NEK10: variants seen among roughly 807,000 people sequenced by gnomAD.
NEK10 encodes serine/threonine-protein kinase Nek10.
A neutral mutation model predicts 159.8 loss-of-function variants in NEK10; 122 were observed. The ratio of observed to expected loss-of-function variants is 0.76; its 90% CI spans 0.66 to 0.89. The LOEUF is 0.89. Among genes scored for constraint, NEK10 ranks in the 40% least tolerant of loss-of-function variants. NEK10 has a pLI of 0.00. For synonymous variants in NEK10, 466 were observed against 457.1 expected (o/e 1.02, Z -0.25); for missense variants, 1,342 against 1,323.1 (o/e 1.01, Z -0.22).
chr3:27,142,436 T>C (rs1943875416), intron 30 of NEK10, among the ~76,000 whole-genome samples: 2 of 152,080 alleles, frequency 1.3e-5, no homozygotes, highest in South Asian at 4.1e-4. Flanking sequence ...CTTCCTTCTC[T>C]TTCTCTTTCC....
chr3:27,245,953 A>G (rs1474839892), intron 23 of NEK10, among the ~76,000 whole-genome samples: 1 of 152,206 alleles, frequency 6.6e-6, no homozygotes, highest in East Asian at 1.9e-4. Flanking sequence ...CAAAGTAGAT[A>G]AATAAACATG....
At chr3:27,367,989 T>C (rs2049220985) in intron 1 of NEK10, among the ~76,000 whole-genome samples, 3 of 152,042 alleles carry the variant, frequency 2.0e-5, no homozygotes, top group African/African-American at 7.2e-5. Context: ...TGCCCTTATG[T>C]GCGTTTTAAA....
At chr3:27,190,368 G>GA (rs1949005058) in intron 26 of NEK10, among the ~76,000 whole-genome samples, 1 of 152,162 alleles carries the variant, frequency 6.6e-6, no homozygotes, top group Non-Finnish European at 1.5e-5. Context: ...ATAATCTGGG[G>GA]AAGGAAGGAA....
At chr3:27,157,558 CA>C (rs1945604737) in intron 30 of NEK10, among the ~76,000 whole-genome samples, 1 of 152,088 alleles carries the variant, frequency 6.6e-6, no homozygotes, top group African/African-American at 2.4e-5. Context: ...GGATGAGCAA[CA>C]AAAGTGGTTT....
At chr3:27,338,941 T>C (rs150812941) in intron 5 of NEK10, among the ~76,000 whole-genome samples, 6 of 152,156 alleles carry the variant, frequency 3.9e-5, no homozygotes, top group East Asian at 1.9e-4. Context: ...AATAGACAAA[T>C]AGAACTATAA....
At chr3:27,112,968 A>T (rs1939789214) in intron 35 of NEK10, among the ~76,000 whole-genome samples, 1 of 152,232 alleles carries the variant, frequency 6.6e-6, no homozygotes, top group Admixed American at 6.5e-5. Context: ...GTTATGTGTT[A>T]TTCACAGTTT....
chr3:27,168,569 T>C (rs141793382), intron 29 of NEK10, among the ~76,000 whole-genome samples: 191 of 152,312 alleles, frequency 1.3e-3, no homozygotes, highest in African/African-American at 4.3e-3. Flanking sequence ...ATTAATTTTC[T>C]CTCCTCTTAT....
chr3:27,224,449 A>G (rs1952423539), intron 23 of NEK10, among the ~76,000 whole-genome samples: 2 of 152,232 alleles, frequency 1.3e-5, no homozygotes, highest in Non-Finnish European at 2.9e-5. Flanking sequence ...TCTGGAGGTT[A>G]AATAAGGCCT....
At chr3:27,309,696 T>C (rs537046315) in intron 9 of NEK10, 7 of 152,330 alleles carry the variant, frequency 4.6e-5, no homozygotes, top group Admixed American at 4.6e-4. Flanking sequence ...TGATCAGCCA[T>C]TGAGAACTCA....
At position 27,291,542 on chromosome 3, in the gene NEK10, T is replaced by C; in HGVS notation, c.1418A>G (p.His473Arg). ...ATAAGCACTGATATCACGTACATAA[T>C]GCCCTATGTCAATGAAGATCTCAAA... ...DLFEIFIDIG[H>R]YVRDISAYEE... Residue 473 changes from histidine (H) to arginine (R), a missense_variant, in exon 17 of 36, where the codon CAT becomes CGT. His to Arg is a conservative substitution (Grantham distance 29). Coordinates refer to ENST00000691995, the MANE Select transcript of NEK10 (RefSeq NM_001394966.1). The C allele has an allele frequency of 6.2e-7, 1 of 1,610,138 alleles. No individual in the cohort carries two copies. Among genetic ancestry groups the C allele is most frequent in the Non-Finnish European group, 8.5e-7 (1 of 1,176,358 alleles).
At chr3:27,255,438 T>C (rs972906387) in intron 23 of NEK10, 3 of 197,138 alleles carry the variant, frequency 1.5e-5, no homozygotes, top group Non-Finnish European at 3.3e-5. Flanking sequence ...ATTTCTACTC[T>C]TCCTCAAGAA....
chr3:27,264,661 G>C (rs1223065992), intron 22 of NEK10, among the ~76,000 whole-genome samples: 1 of 152,078 alleles, frequency 6.6e-6, no homozygotes, highest in African/African-American at 2.4e-5. Flanking sequence ...GGAGGCCGAG[G>C]CAGGTGGAAC....
At chr3:27,348,377 A>G (rs2047718236) in intron 3 of NEK10, among the ~76,000 whole-genome samples, 1 of 152,178 alleles carries the variant, frequency 6.6e-6, no homozygotes, top group African/African-American at 2.4e-5. Context: ...GGTGGCCTGT[A>G]TCGGAAATCA....
chr3:27,257,276 C>T (rs1222019947), intron 22 of NEK10, among the ~76,000 whole-genome samples: 4 of 152,134 alleles, frequency 2.6e-5, no homozygotes, highest in East Asian at 3.9e-4. Context: ...TTTTCCTATC[C>T]ATTTGCTACA....
chr3:27,264,353 G>A (rs1323675903), intron 22 of NEK10, among the ~76,000 whole-genome samples: 4 of 152,052 alleles, frequency 2.6e-5, no homozygotes, highest in Admixed American at 2.6e-4. Flanking sequence ...GAAAACTACA[G>A]AACAAGAGCC....
At chr3:27,277,792 T>C (rs1193845091) in intron 22 of NEK10, among the ~76,000 whole-genome samples, 1 of 152,214 alleles carries the variant, frequency 6.6e-6, no homozygotes, top group Middle Eastern at 3.2e-3. Flanking sequence ...ACACCTGACT[T>C]TCTTTGACCA....
At chr3:27,314,426 CATATTT>C in intron 6 of NEK10, 88 bp from the exon 7 acceptor site, 1 of 797,550 alleles carries the variant, frequency 1.3e-6, no homozygotes, top group Non-Finnish European at 2.2e-6. Context: ...ACTAAGTTGT[CATATTT>C]ATAATTATAT....
chr3:27,156,112 C>T (rs913934157), intron 30 of NEK10, among the ~76,000 whole-genome samples: 3 of 152,152 alleles, frequency 2.0e-5, no homozygotes, highest in African/African-American at 4.8e-5. Context: ...GGACCCTCAT[C>T]TGTCACCCCA....
chr3:27,158,437 A>G (rs1945710635), intron 30 of NEK10, among the ~76,000 whole-genome samples: 1 of 152,208 alleles, frequency 6.6e-6, no homozygotes, highest in African/African-American at 2.4e-5. Context: ...TCGTATAAGG[A>G]CAACTAGAAT....
Sources: gnomAD v4.1 joint callset for allele counts (sites outside exome capture counted in the v4.1 genomes callset) on GRCh38, gnomAD v4.1.1 for gene constraint, MANE v1.5 for transcripts, NCBI Gene and HGNC (gene_info 2026-07-23, HGNC 2026-07-21) for gene names.